The following TNK1 variants were observed in gnomAD, a reference collection of about 807,000 sequenced individuals.
TNK1 encodes the protein tyrosine kinase non receptor 1, also known as non-receptor tyrosine-protein kinase TNK1.
TNK1 carries 53 observed loss-of-function variants against 65.2 expected under a neutral mutation model. That is an observed-to-expected ratio of 0.81 (90% confidence interval 0.65 to 1.02). The LOEUF (loss-of-function observed/expected upper bound fraction) is 1.02. TNK1 is among the 50% of genes least tolerant of loss of function. TNK1 has a pLI of 0.00. For synonymous variants in TNK1, 353 were observed against 364.6 expected, an observed-to-expected ratio of 0.97 and a Z score of 0.36; for missense variants, 837 against 878.4, an observed-to-expected ratio of 0.95 and a Z score of 0.60.
rs1458790339 is a variant in TNK1 at position 7,388,134 on chromosome 17, C to CA, written c.1478-271dup. ...CCATCCAGCTCAGCACAGATGAAGA[C>CA]AGAGAGTGGGGCCAGGCATGGTGGC... On this transcript the variant is annotated intron_variant, in intron 10 of 12. Coordinates refer to ENST00000688331, the MANE Select transcript of TNK1 (RefSeq NM_003985.6). The surrounding 1 kb of genome is among the most constrained non-coding windows in gnomAD (Gnocchi z 4.5). Among the ~76,000 whole-genome samples the CA allele has an allele frequency of 6.6e-6, 1 of 152,196 alleles. No individual in the cohort carries two copies.
chr17:7,382,754 T>G lies in TNK1; in HGVS notation c.-91-82T>G. The G allele has an allele frequency of 1.5e-5, 10 of 678,660 alleles. No homozygotes were observed. The highest frequency in any genetic ancestry group is 1.9e-5 in the Non-Finnish European group (8 of 411,200). The allele number at this position is 678,660 out of a possible 1,614,324, so 42.0% of individuals were successfully genotyped here. On this transcript the variant is annotated intron_variant, in intron 1 of 12. Transcript: ENST00000688331. The surrounding 1 kb of genome is among the most constrained non-coding windows in gnomAD (Gnocchi z 4.1). Reference sequence around the variant, plus strand: ...GGCACGGGGAACATTCTATCTGGGATTTGTGTGCGTGAGTGGCAGGGATCC... The same window carrying G: ...GGCACGGGGAACATTCTATCTGGGAGTTGTGTGCGTGAGTGGCAGGGATCC...
At chr17:7,381,702 G>C (rs1597674764) in intron 1 of TNK1, among the ~76,000 whole-genome samples, 1 of 152,228 alleles carries the variant, frequency 6.6e-6, no homozygotes, top group Non-Finnish European at 1.5e-5. Flanking sequence ...CGGTGGAGGA[G>C]AGGCAATGAC....
At chr17:7,384,320 G>A in intron 6 of TNK1, 67 bp downstream of exon 6, 1 of 1,434,800 alleles carries the variant, frequency 7.0e-7, no homozygotes, top group South Asian at 1.5e-5. Context: ...AGCCGAGGGA[G>A]ATCGGAGGGG....
chr17:7,383,126 T>A (rs763332336), intron 2 of TNK1, 37 bp downstream of exon 2: 1 of 1,613,250 alleles, frequency 6.2e-7, no homozygotes, highest in South Asian at 1.1e-5. Context: ...GGTCTCTCTG[T>A]CCACAGCCTA....
At chr17:7,386,876 C>T in intron 8 of TNK1, 114 bp from the exon 9 acceptor site, 3 of 1,381,256 alleles carry the variant, frequency 2.2e-6, no homozygotes, top group Non-Finnish European at 1.9e-6. Context: ...GCTTCCCTTC[C>T]TCCAGGCAGA....
rs746479432 is a variant in TNK1 at position 7,383,062 on chromosome 17, C to A, written c.136C>A (p.Leu46Met). ...EHFDFVKPED[L>M]DGIGMGRPAQ... ...CTTCGACTTTGTAAAGCCTGAGGAC[C>A]TGGACGGCATTGGCATGGGCCGGCC... Residue 46 changes from leucine (L) to methionine (M), a missense_variant, in exon 2 of 13, where the codon CTG becomes ATG. Transcript: ENST00000688331. 1 of 1,614,020 alleles carries A rather than the reference C, an allele frequency of 6.2e-7. No homozygotes were observed. The highest frequency in any genetic ancestry group is 2.2e-5 in the East Asian group (1 of 44,886).
rs1022889182 is a variant in TNK1, at chr17:7,387,998, G to A, written c.1478-408G>A. ...GGGCCCTGAGCTCTGAGTTCTCTGGGCCCTCCGCCTAGGCCTTGGTGTCCA... is the reference window on the plus strand; with the variant it reads ...GGGCCCTGAGCTCTGAGTTCTCTGGACCCTCCGCCTAGGCCTTGGTGTCCA... On this transcript the variant is annotated intron_variant, in intron 10 of 12. Coordinates refer to ENST00000688331, the MANE Select transcript of TNK1 (RefSeq NM_003985.6). Among the ~76,000 whole-genome samples, 3 of 152,138 alleles carry A rather than the reference G, an allele frequency of 2.0e-5. No homozygotes were observed. The East Asian group carries it at 5.8e-4, about 29-fold the overall frequency.
rs1567648640 is a variant in TNK1 at position 7,388,437 on chromosome 17, C to T, written c.1509C>T (p.Ser503=). The change falls in exon 11 of 13, where the codon TCC becomes TCT. Residue 503 remains serine, a synonymous_variant. Transcript: ENST00000688331. This position sits in a 1 kb window ranked among gnomAD's most constrained non-coding sequence, Gnocchi z 4.5. ...CCAGGAGTCTGGAGTCAGTTCTGTC[C>T]CTCGGTCCTCGTCCCACAGGGGGTG... ...GISRSLESVL[S]LGPRPTGGGS... 1.2e-6 allele frequency: 2 copies of T among 1,613,220 alleles called. No homozygotes were observed. The highest frequency in any genetic ancestry group is 8.5e-7 in the Non-Finnish European group (1 of 1,179,444).
At position 7,382,265 on chromosome 17, in the gene TNK1, C is replaced by CAAAAA; in HGVS notation, c.-91-560_-91-556dup. ...TAGATGACAGAGCGAGACTCCGTCT[C>CAAAAA]AAAAAAAAAAAAAAAGAGGACATGT... On this transcript the variant is annotated intron_variant, in intron 1 of 12. Transcript: ENST00000688331. The surrounding 1 kb of genome is among the most constrained non-coding windows in gnomAD (Gnocchi z 4.1). Among the ~76,000 whole-genome samples the CAAAAA allele has an allele frequency of 7.3e-6, 1 of 137,498 alleles. No individual in the cohort carries two copies. The highest frequency in any genetic ancestry group is 2.1e-4 in the East Asian group (1 of 4,678). 90.2% of individuals were successfully genotyped at this position (137,498 alleles called of 152,430 possible). A position where few individuals can be genotyped will look rare whatever the true frequency, so the allele number is the denominator to read the frequency against.
At position 7,388,403 on chromosome 17, in the gene TNK1, C is replaced by CA. The variant is rs766694418; in HGVS notation, c.1478-2dup. 2 of 1,599,862 alleles carry CA rather than the reference C, an allele frequency of 1.3e-6. No homozygotes were observed. Among genetic ancestry groups the CA allele is most frequent in the South Asian group, 2.2e-5 (2 of 89,450 alleles). Reference sequence around the variant, plus strand: ...TCAAGTTGTTTCCTTCTCAACTGTGCAGGCATTTCCAGGAGTCTGGAGTCA... The same window carrying CA: ...TCAAGTTGTTTCCTTCTCAACTGTGCAAGGCATTTCCAGGAGTCTGGAGTCA... On this transcript the variant is annotated splice_region_variant and splice_polypyrimidine_tract_variant and intron_variant, in intron 10 of 12. Transcript: ENST00000688331. This position sits in a 1 kb window ranked among gnomAD's most constrained non-coding sequence, Gnocchi z 4.5.
At chr17:7,384,288 C>T (rs930702441) in intron 6 of TNK1, 35 bp downstream of exon 6, 13 of 1,438,452 alleles carry the variant, frequency 9.0e-6, no homozygotes, top group Non-Finnish European at 1.2e-5. Context: ...GGGCTCTGAG[C>T]CGGGCGGATC....
rs368551026 is a variant in TNK1 at position 7,382,905 on chromosome 17, C to T, written c.-22C>T. Reference sequence around the variant, plus strand: ...CCATCTGAAGGAGAGTGCCATCATCCTTAGGAACTCCTTCTCCAGACATGC... The same window carrying T: ...CCATCTGAAGGAGAGTGCCATCATCTTTAGGAACTCCTTCTCCAGACATGC... On this transcript the variant is annotated 5_prime_UTR_variant, in exon 2 of 13. Transcript: ENST00000688331. The surrounding 1 kb of genome is among the most constrained non-coding windows in gnomAD (Gnocchi z 4.1). 2.1e-5 allele frequency: 34 copies of T among 1,612,746 alleles called. No individual in the cohort carries two copies. The African/African-American group carries it at 4.1e-4, about 20-fold the overall frequency.
intron 10 of TNK1, among the ~76,000 whole-genome samples, chr17:7,387,792 T>A (rs1335063819): frequency 6.6e-6 from 1 of 152,070 alleles, no homozygotes; most frequent in Non-Finnish European, 1.5e-5. Context: ...TTAGTAGAGA[T>A]GAGGTTTCAC....
At chr17:7,385,713 T>A (rs189015038) in intron 7 of TNK1, among the ~76,000 whole-genome samples, 20 of 152,112 alleles carry the variant, frequency 1.3e-4, no homozygotes, top group African/African-American at 3.6e-4. Context: ...TACAGGCGCC[T>A]GCCACCACGC....
Position 7,384,127 on chromosome 17 carries a change from C to G in TNK1, c.740C>G (p.Ala247Gly). The G allele has an allele frequency of 6.5e-7, 1 of 1,548,244 alleles. No homozygotes were observed. The highest frequency in any genetic ancestry group is 8.7e-7 in the Non-Finnish European group (1 of 1,154,686). Residue 247 changes from alanine to glycine, a missense_variant, in exon 6 of 13, where the codon GCT (alanine) becomes GGT (glycine). Coordinates refer to ENST00000688331, the MANE Select transcript of TNK1 (RefSeq NM_003985.6). ...CGCGGGCTGGTGCACCGAGACCTCG[C>G]TACGCGCAACCTACTGCTGGCGTCG... ...GARGLVHRDL[A>G]TRNLLLASPR...
In TNK1 at chr17:7,387,475, C is replaced by G; in HGVS notation, c.1477+18C>G. On this transcript the variant is annotated intron_variant, in intron 10 of 12. Coordinates refer to ENST00000688331, the MANE Select transcript of TNK1 (RefSeq NM_003985.6). ...GATGAAAGGTGGGTGTGGTGGACTC[C>G]AGAGTCTCTGAGGAGATCAAGACCA... is the stretch of plus-strand genomic sequence containing the variant. The G allele has an allele frequency of 6.4e-7, 1 of 1,572,658 alleles. No homozygotes were observed.
Position 7,388,847 on chromosome 17 carries a change from T to G in TNK1, c.1836T>G (p.Thr612=). 3 of 1,605,674 alleles carry G rather than the reference T, an allele frequency of 1.9e-6. No individual in the cohort carries two copies. Among genetic ancestry groups the G allele is most frequent in the South Asian group, 1.1e-5 (1 of 89,546 alleles). ...HQECQTALGA[T]GGDVVSAIRN... ...AGTGCCAGACAGCACTAGGAGCCAC[T>G]GGGGGAGATGTGGTTTCTGCCATCC... Residue 612 remains threonine (T), a synonymous_variant, in exon 12 of 13, where the codon ACT becomes ACG. Transcript: ENST00000688331. This position sits in a 1 kb window ranked among gnomAD's most constrained non-coding sequence, Gnocchi z 4.5.
rs757019088 is a variant in TNK1, at chr17:7,383,386, G to A, written c.235-39G>A. 22 of 1,613,630 alleles carry A rather than the reference G, an allele frequency of 1.4e-5. No homozygotes were observed. In the Admixed American group the frequency reaches 1.8e-4, roughly 13 times the overall value. On this transcript the variant is annotated intron_variant, in intron 3 of 12. Transcript: ENST00000688331. ...TGGCTTGAGGGGCAGGGAGGGGGGCGCAGGGCTCTGCATACCGGATTTCCC... is the reference window on the plus strand; with the variant it reads ...TGGCTTGAGGGGCAGGGAGGGGGGCACAGGGCTCTGCATACCGGATTTCCC...
At chr17:7,387,307 T>C (rs1171123315) in intron 9 of TNK1, 71 bp from the exon 10 acceptor site, 4 of 1,537,972 alleles carry the variant, frequency 2.6e-6, no homozygotes, top group African/African-American at 1.4e-5. Context: ...GTGAGTTTTT[T>C]TGGGAGGGTA....
Sources: gnomAD v4.1 joint callset for allele counts (sites outside exome capture counted in the v4.1 genomes callset) on GRCh38, gnomAD v4.1.1 for gene constraint, Gnocchi (gnomAD v3.1) non-coding constraint, MANE v1.5 for transcripts, NCBI Gene and HGNC (gene_info 2026-07-23, HGNC 2026-07-21) for gene names.